LBH: variants seen among roughly 807,000 people sequenced by gnomAD.
LBH encodes the protein protein LBH.
LBH carries 7 observed loss-of-function variants against 12.5 expected under a neutral mutation model. The ratio of observed to expected loss-of-function variants is 0.56; its 90% CI spans 0.32 to 1.05. LBH has a LOEUF of 1.05. Among genes scored for constraint, LBH ranks in the 50% least tolerant of loss-of-function variants. The pLI, the probability that LBH is intolerant of heterozygous loss-of-function variation, is 0.04. For missense variants in LBH, 119 were observed against 138.9 expected, an observed-to-expected ratio of 0.86 and a Z score of 0.72; for synonymous variants, 51 against 50.1, an observed-to-expected ratio of 1.02 and a Z score of -0.08.
intron 2 of LBH, among the ~76,000 whole-genome samples, chr2:30,236,924 C>T (rs1677697691): frequency 7.3e-6 from 1 of 136,498 alleles, no homozygotes; most frequent in African/African-American, 2.5e-5. Context: ...CCTGGGCTTG[C>T]CCCTGTTTAT....
In LBH at chr2:30,238,418, G is replaced by A. The variant is rs543858318; in HGVS notation, c.129+3911G>A. Among the ~76,000 whole-genome samples the A allele has an allele frequency of 5.3e-5, 8 of 152,240 alleles. No individual in the cohort carries two copies. The East Asian group carries it at 5.8e-4, about 11-fold the overall frequency. The stretch of plus-strand genomic sequence containing the variant: ...CTTTAAATTTCTCTAATCAGCACAC[G>A]TCCCTTCCTGGCTGCCCCTTGTATT... On this transcript the variant is annotated intron_variant, in intron 2 of 2. Coordinates refer to ENST00000395323, the MANE Select transcript of LBH (RefSeq NM_030915.4).
intron 2 of LBH, among the ~76,000 whole-genome samples, chr2:30,239,052 G>C (rs923671941): frequency 3.9e-5 from 6 of 152,038 alleles, no homozygotes; most frequent in African/African-American, 1.4e-4. Context: ...ACCACGCCCA[G>C]CTAATTTTTT....
At chr2:30,239,093 G>A (rs574854021) in intron 2 of LBH, among the ~76,000 whole-genome samples, 3 of 152,062 alleles carry the variant, frequency 2.0e-5, no homozygotes, top group East Asian at 1.9e-4. Context: ...GTCTCTCCAC[G>A]TTGGCCCTTC....
chr2:30,255,400 CCT>C (rs10532416), intron 2 of LBH, among the ~76,000 whole-genome samples: 73,577 of 151,876 alleles, frequency 0.48, 18,409 homozygotes, highest in Admixed American at 0.6. Context: ...TCCGTGTCCC[CCT>C]CTGCCTCCGT....
chr2:30,232,176 C>T, intron 1 of LBH: 2 of 1,539,540 alleles, frequency 1.3e-6, no homozygotes, highest in East Asian at 2.5e-5. Context: ...CAAGTCTCAA[C>T]GTCGAGGCCG....
rs1678110183 is a variant in LBH, at chr2:30,257,692, GGAA to G, written c.*77_*79del. On this transcript the variant is annotated 3_prime_UTR_variant, in exon 3 of 3. Transcript: ENST00000395323. ...TGAACTGTGTTTTTCCCATCATGAC[GGAA>G]GAAGAGAGTGAGCCGCAATTGTTCT... is the stretch of plus-strand genomic sequence containing the variant. 8.3e-7 allele frequency: 1 copy of G among 1,210,204 alleles called. No homozygotes were observed. The highest frequency in any genetic ancestry group is 1.5e-5 in the African/African-American group (1 of 64,570). The allele number at this position is 1,210,204 out of a possible 1,614,324, so 75.0% of individuals were successfully genotyped here. A position where few individuals can be genotyped will look rare whatever the true frequency, so the allele number is the denominator to read the frequency against.
At chr2:30,231,858 C>A in intron 1 of LBH, 94 bp downstream of exon 1, 1 of 1,160,592 alleles carries the variant, frequency 8.6e-7, no homozygotes, top group East Asian at 3.3e-5. Context: ...GCGAGGGCAG[C>A]CGGCGGCGCG....
chr2:30,241,023 A>G (rs1449034091), intron 2 of LBH, among the ~76,000 whole-genome samples: 1 of 152,246 alleles, frequency 6.6e-6, no homozygotes, highest in African/African-American at 2.4e-5. Flanking sequence ...AACAGAATTT[A>G]AAATATACCT....
chr2:30,242,459 G>T (rs1249890168), intron 2 of LBH, among the ~76,000 whole-genome samples: 2 of 152,064 alleles, frequency 1.3e-5, no homozygotes. Flanking sequence ...GGCCAGGCTG[G>T]TCTCAAACTC....
intron 1 of LBH, chr2:30,234,179 G>A (rs903466851): frequency 4.5e-5 from 24 of 536,652 alleles, no homozygotes; most frequent in African/African-American, 4.0e-4. Flanking sequence ...AGGTTTGCCA[G>A]AGAGGTCTGC....
rs186820264 is a variant in LBH, at chr2:30,241,896, G to A, written c.129+7389G>A. 7.2e-5 allele frequency among the ~76,000 whole-genome samples: 11 copies of A among 152,234 alleles called. 1 individual carries two copies. The East Asian group carries it at 9.6e-4, about 13-fold the overall frequency. On this transcript the variant is annotated intron_variant, in intron 2 of 2. Coordinates refer to ENST00000395323, the MANE Select transcript of LBH (RefSeq NM_030915.4). ...CGTTTTTATGTAGCCAAGATCACAC[G>A]TTGCATTTTGCTGCTTTCCTTAACA...
rs994924252 is a variant in LBH at position 30,232,112 on chromosome 2, C to T, written c.26+348C>T. 4.5e-6 allele frequency: 7 copies of T among 1,543,056 alleles called. No individual in the cohort carries two copies. The African/African-American group carries it at 8.3e-5, about 18-fold the overall frequency. ...CAGGAGGCGCGCGCCCCACTTGGCGCAGGGGGGCTCCTGCTCTTCCCGGGC... is the reference window on the plus strand; with the variant it reads ...CAGGAGGCGCGCGCCCCACTTGGCGTAGGGGGGCTCCTGCTCTTCCCGGGC... On this transcript the variant is annotated intron_variant, in intron 1 of 2. Transcript: ENST00000395323.
intron 2 of LBH, among the ~76,000 whole-genome samples, chr2:30,244,401 C>T (rs1558387867): frequency 6.6e-6 from 1 of 152,166 alleles, no homozygotes; most frequent in South Asian, 2.1e-4. Flanking sequence ...CTGGGGTTCA[C>T]AGACACTTTC....
At chr2:30,232,211 G>A (rs775866969) in intron 1 of LBH, 72 of 1,398,038 alleles carry the variant, frequency 5.2e-5, no homozygotes, top group Middle Eastern at 4.1e-4. Flanking sequence ...GAGCTGGTGC[G>A]GCCGCAGGGT....
At chr2:30,237,382 C>T (rs1017646945) in intron 2 of LBH, among the ~76,000 whole-genome samples, 6 of 152,172 alleles carry the variant, frequency 3.9e-5, no homozygotes, top group African/African-American at 1.2e-4. Flanking sequence ...TCTGTACCAG[C>T]TGTGACGTTT....
At chr2:30,245,820 T>C (rs1677860427) in intron 2 of LBH, among the ~76,000 whole-genome samples, 1 of 152,082 alleles carries the variant, frequency 6.6e-6, no homozygotes, top group Admixed American at 6.6e-5. Flanking sequence ...CCCGTTGGAG[T>C]TTAAAAAACA....
At chr2:30,233,067 CT>C (rs1487556642) in intron 1 of LBH, 1 of 152,270 alleles carries the variant, frequency 6.6e-6, no homozygotes, top group Non-Finnish European at 1.5e-5. Flanking sequence ...AGCTAGGTGC[CT>C]TATTATAGGT....
At position 30,258,972 on chromosome 2, in the gene LBH, T is replaced by C. The variant is rs1678136105; in HGVS notation, c.*1351T>C. 6.6e-6 allele frequency: 1 copy of C among 152,414 alleles called. No homozygotes were observed. The highest frequency in any genetic ancestry group is 2.4e-5 in the African/African-American group (1 of 41,440). 9.4% of individuals were successfully genotyped at this position (152,414 alleles called of 1,614,324 possible). ...CAAGGGCACCAGTTGTATGAGAAAG[T>C]TGGCCTTTGGACTTAGGATTTCTTA... On this transcript the variant is annotated 3_prime_UTR_variant, in exon 3 of 3. Coordinates refer to ENST00000395323, the MANE Select transcript of LBH (RefSeq NM_030915.4).
At chr2:30,249,850 A>G (rs1677947910) in intron 2 of LBH, among the ~76,000 whole-genome samples, 1 of 152,214 alleles carries the variant, frequency 6.6e-6, no homozygotes, top group Non-Finnish European at 1.5e-5. Context: ...GATTCTCTCC[A>G]AAGCCCTGCA....
Sources: allele counts gnomAD v4.1 joint callset (sites outside exome capture counted in the v4.1 genomes callset), GRCh38; gene constraint gnomAD v4.1.1; transcripts MANE v1.5; gene names NCBI Gene and HGNC (gene_info 2026-07-23, HGNC 2026-07-21).